Variants in SLC2A13 observed in about 807,000 individuals in gnomAD.
The protein encoded by SLC2A13 is proton myo-inositol cotransporter.
In SLC2A13, 32 loss-of-function variants were observed where a neutral mutation model predicts 64.4. The ratio of observed to expected loss-of-function variants is 0.50; its 90% CI spans 0.37 to 0.67. The LOEUF (loss-of-function observed/expected upper bound fraction) is 0.67, where lower values mean the gene tolerates loss of function less well. SLC2A13 is among the 30% of genes least tolerant of loss of function. The probability of loss-of-function intolerance (pLI) is 0.00; values close to 1 mark genes in which losing one functional copy is unlikely to be tolerated. For synonymous variants in SLC2A13, 338 were observed against 327.1 expected (o/e 1.03, Z -0.36); for missense variants, 743 against 829.2 (o/e 0.90, Z 1.28).
chr12:39,999,656 T>C (rs926034398), intron 3 of SLC2A13, among the ~76,000 whole-genome samples: 1 of 152,222 alleles, frequency 6.6e-6, no homozygotes, highest in Non-Finnish European at 1.5e-5. Flanking sequence ...CATAGACCAT[T>C]ATCAGTAATT....
intron 7 of SLC2A13, chr12:39,788,481 TGAGAA>T (rs1468545246): frequency 1.3e-5 from 2 of 152,168 alleles, no homozygotes; most frequent in East Asian, 3.9e-4. Flanking sequence ...CAGGTGGGAC[TGAGAA>T]GATGATTTCA....
chr12:40,074,485 G>C (rs922937256), intron 1 of SLC2A13, among the ~76,000 whole-genome samples: 7 of 151,978 alleles, frequency 4.6e-5, no homozygotes, highest in Non-Finnish European at 1.0e-4. Flanking sequence ...TTCATTTCTG[G>C]CATAGTGTTT....
At chr12:40,086,210 A>G (rs1389841300) in intron 1 of SLC2A13, among the ~76,000 whole-genome samples, 1 of 152,166 alleles carries the variant, frequency 6.6e-6, no homozygotes, top group African/African-American at 2.4e-5. Context: ...GATGCTGAGC[A>G]AGGCACCAAT....
At chr12:39,917,637 T>C (rs1212409516) in intron 4 of SLC2A13, among the ~76,000 whole-genome samples, 1 of 152,036 alleles carries the variant, frequency 6.6e-6, no homozygotes, top group Non-Finnish European at 1.5e-5. Context: ...GAACATCTTA[T>C]CTCCTCCTGC....
chr12:39,846,547 G>A (rs1203553391), intron 6 of SLC2A13, among the ~76,000 whole-genome samples: 1 of 152,138 alleles, frequency 6.6e-6, no homozygotes, highest in African/African-American at 2.4e-5. Context: ...TGCCTTCCAG[G>A]CTCAAGTGTT....
chr12:39,898,950 G>A (rs750810039), intron 4 of SLC2A13, among the ~76,000 whole-genome samples: 18 of 152,024 alleles, frequency 1.2e-4, no homozygotes, highest in Non-Finnish European at 2.4e-4. Flanking sequence ...CTCTTTTTTC[G>A]TTGTGTCTCT....
chr12:39,784,354 A>G (rs1050196702), intron 7 of SLC2A13, among the ~76,000 whole-genome samples: 1 of 152,242 alleles, frequency 6.6e-6, no homozygotes, highest in Non-Finnish European at 1.5e-5. Flanking sequence ...CCAAAACAGC[A>G]TGGTACTGGT....
intron 4 of SLC2A13, among the ~76,000 whole-genome samples, chr12:39,927,677 T>G (rs186713099): frequency 1.4e-4 from 21 of 152,204 alleles, no homozygotes; most frequent in Non-Finnish European, 2.6e-4. Context: ...TGCAATGATA[T>G]AGTAACTTGG....
At chr12:39,790,379 C>T (rs61931212) in intron 7 of SLC2A13, among the ~76,000 whole-genome samples, 2 of 118,866 alleles carry the variant, frequency 1.7e-5, no homozygotes, top group Admixed American at 1.0e-4. Flanking sequence ...CCTCCCCCCA[C>T]CCCACCACAG....
At chr12:39,863,835 C>T (rs1291040221) in intron 6 of SLC2A13, among the ~76,000 whole-genome samples, 3 of 152,172 alleles carry the variant, frequency 2.0e-5, no homozygotes, top group South Asian at 2.1e-4. Context: ...CATAAATTCA[C>T]GCTCAACTGG....
chr12:39,959,527 A>C (rs1565562337), intron 3 of SLC2A13, among the ~76,000 whole-genome samples: 3 of 152,264 alleles, frequency 2.0e-5, no homozygotes, highest in Admixed American at 1.3e-4. Flanking sequence ...GGAGATGATT[A>C]TAGGTCTTAA....
At chr12:39,885,480 G>A (rs1339851145) in intron 4 of SLC2A13, among the ~76,000 whole-genome samples, 1 of 152,136 alleles carries the variant, frequency 6.6e-6, no homozygotes, top group Non-Finnish European at 1.5e-5. Flanking sequence ...CTTCTACAAT[G>A]TGGATGAAGC....
intron 3 of SLC2A13, among the ~76,000 whole-genome samples, chr12:39,973,214 A>G (rs1184410737): frequency 6.6e-6 from 1 of 152,238 alleles, no homozygotes. Context: ...TCTACTAAGC[A>G]GATTCAATGA....
chr12:40,042,104 G>A (rs1211958920), intron 2 of SLC2A13, among the ~76,000 whole-genome samples: 1 of 152,070 alleles, frequency 6.6e-6, no homozygotes, highest in African/African-American at 2.4e-5. Context: ...AGGTTCCCAG[G>A]ACTAATATTT....
intron 1 of SLC2A13, among the ~76,000 whole-genome samples, chr12:40,054,750 T>G (rs1049970970): frequency 6.6e-5 from 10 of 152,188 alleles, no homozygotes; most frequent in Admixed American, 5.9e-4. Flanking sequence ...GAAGCCCTTT[T>G]AAAGGCCTGA....
At chr12:39,925,730 C>T (rs1945716505) in intron 4 of SLC2A13, among the ~76,000 whole-genome samples, 1 of 152,282 alleles carries the variant, frequency 6.6e-6, no homozygotes, top group African/African-American at 2.4e-5. Context: ...CATCACTTCT[C>T]ACCCATTTTG....
chr12:40,031,581 A>C (rs1031828822), intron 2 of SLC2A13, among the ~76,000 whole-genome samples: 3 of 152,216 alleles, frequency 2.0e-5, no homozygotes, highest in Admixed American at 6.5e-5. Flanking sequence ...TGCTGGGGGA[A>C]TTAAGTGAAA....
intron 1 of SLC2A13, among the ~76,000 whole-genome samples, chr12:40,100,946 C>A (rs1445736921): frequency 2.2e-5 from 2 of 92,510 alleles, no homozygotes; most frequent in African/African-American, 8.8e-5. Context: ...GCCTGGGCGA[C>A]AAGAGTGAAG....
At chr12:39,908,038 A>C (rs1215705121) in intron 4 of SLC2A13, 2 of 152,072 alleles carry the variant, frequency 1.3e-5, no homozygotes, top group Non-Finnish European at 2.9e-5. Flanking sequence ...CCTGGCCAGA[A>C]GAACCACATA....
Sources: allele counts gnomAD v4.1 joint callset (sites outside exome capture counted in the v4.1 genomes callset), GRCh38; gene constraint gnomAD v4.1.1; transcripts MANE v1.5; gene names NCBI Gene and HGNC (gene_info 2026-07-23, HGNC 2026-07-21).